GSR: variants seen among roughly 807,000 people sequenced by gnomAD.
The protein encoded by GSR is glutathione-disulfide reductase.
Under a neutral mutation model 56.5 loss-of-function variants are expected in GSR, and 48 were observed. That is an observed-to-expected ratio of 0.85 (90% CI 0.67 to 1.08). GSR has a LOEUF of 1.08. Ranked by LOEUF, GSR falls within the 50% of genes least tolerant of loss-of-function variation. The probability of loss-of-function intolerance (pLI) is 0.00; values close to 1 mark genes in which losing one functional copy is unlikely to be tolerated. For missense variants in GSR, 694 were observed against 703.3 expected, an observed-to-expected ratio of 0.99 and a Z score of 0.15; for synonymous variants, 264 against 270.8, an observed-to-expected ratio of 0.97 and a Z score of 0.25.
intron 1 of GSR, among the ~76,000 whole-genome samples, chr8:30,713,712 T>G (rs1339360280): frequency 6.6e-6 from 1 of 152,196 alleles, no homozygotes; most frequent in African/African-American, 2.4e-5. Context: ...TAATGAAATA[T>G]TTTTCATCTG....
chr8:30,718,357 G>C (rs2978295), intron 1 of GSR, among the ~76,000 whole-genome samples: 102,099 of 151,986 alleles, frequency 0.67, 37,413 homozygotes, highest in East Asian at 0.88. Context: ...CTAGAGGTGG[G>C]TGAGTTTCCA....
intron 9 of GSR, among the ~76,000 whole-genome samples, chr8:30,685,770 G>A (rs1219295508): frequency 6.6e-6 from 1 of 152,010 alleles, no homozygotes; most frequent in African/African-American, 2.4e-5. Flanking sequence ...GAGGTCAGGA[G>A]TTTGAGACCA....
At chr8:30,700,550 C>G (rs1353573899) in intron 5 of GSR, among the ~76,000 whole-genome samples, 1 of 151,698 alleles carries the variant, frequency 6.6e-6, no homozygotes, top group Admixed American at 6.6e-5. Context: ...GTGGTGAAAC[C>G]CTGTCTCTAC....
chr8:30,681,883 G>A, intron 11 of GSR, 47 bp downstream of exon 11: 4 of 1,588,874 alleles, frequency 2.5e-6, no homozygotes, highest in Non-Finnish European at 3.5e-6. Flanking sequence ...GGGGGCAGGG[G>A]AAAGAGGAAG....
In GSR at chr8:30,707,438, G is replaced by A. The variant is rs375366300; in HGVS notation, c.492+634C>T. On this transcript the variant is annotated intron_variant, in intron 4 of 12. Coordinates refer to ENST00000221130, the MANE Select transcript of GSR (RefSeq NM_000637.5). ...CTCATCTCTATAATCCCAACACTTT[G>A]GGAGGCTAAGGCAGGAGTTTAAAGA... is the stretch of plus-strand genomic sequence containing the variant. Among the ~76,000 whole-genome samples the A allele has an allele frequency of 1.2e-4, 19 of 152,264 alleles. No homozygotes were observed. The East Asian group carries it at 3.3e-3, about 26-fold the overall frequency.
intron 1 of GSR, 66 bp downstream of exon 1, chr8:30,727,464 C>T: frequency 7.1e-7 from 1 of 1,413,706 alleles, no homozygotes; most frequent in Non-Finnish European, 9.6e-7. Flanking sequence ...GGAACGAGCA[C>T]AGGCTGTCCC....
chr8:30,683,607 T>G lies in GSR; in HGVS notation c.1153+481A>C, dbSNP rs188946311. Among the ~76,000 whole-genome samples, 69 of 151,954 alleles carry G rather than the reference T, an allele frequency of 4.5e-4. No homozygotes were observed. In the East Asian group the frequency reaches 9.5e-3, roughly 21 times the overall value. Reference sequence around the variant, plus strand: ...AGCACAGGGGTTCAAGACAACATGGTAAAACCCTGTCTCTACAAAAAATGC... The same window carrying G: ...AGCACAGGGGTTCAAGACAACATGGGAAAACCCTGTCTCTACAAAAAATGC... On this transcript the variant is annotated intron_variant, in intron 10 of 12. Coordinates refer to ENST00000221130, the MANE Select transcript of GSR (RefSeq NM_000637.5).
intron 5 of GSR, 33 bp from the exon 6 acceptor site, chr8:30,700,168 G>C: frequency 6.8e-7 from 1 of 1,461,780 alleles, no homozygotes; most frequent in Non-Finnish European, 9.6e-7. Flanking sequence ...GATCACACAA[G>C]ACTGCTCTTT....
At position 30,710,171 on chromosome 8, in the gene GSR, C is replaced by G. The variant is rs1804080661; in HGVS notation, c.334-269G>C. ...TCTCTATTAAAAATACAAAAATTAG[C>G]TGGGTATGGTGGCACACACCTGTAG... On this transcript the variant is annotated intron_variant, in intron 2 of 12. Coordinates refer to ENST00000221130, the MANE Select transcript of GSR (RefSeq NM_000637.5). Among the ~76,000 whole-genome samples, 5 of 151,804 alleles carry G rather than the reference C, an allele frequency of 3.3e-5. 1 individual carries two copies. In the South Asian group the frequency reaches 1.0e-3, roughly 32 times the overall value.
intron 9 of GSR, among the ~76,000 whole-genome samples, chr8:30,688,017 C>G (rs921192563): frequency 3.9e-5 from 6 of 152,046 alleles, no homozygotes; most frequent in African/African-American, 1.4e-4. Context: ...GGAACCAAAC[C>G]CCAAGCTCCC....
chr8:30,710,714 C>CAAAAAAAAAAAAAAAAAAAAAAAAAAGA (rs1804102005), intron 2 of GSR, among the ~76,000 whole-genome samples: 1 of 51,044 alleles, frequency 2.0e-5, no homozygotes, highest in Non-Finnish European at 3.8e-5. Context: ...GACTCTGTCT[C>CAAAAAAAAAAAAAAAAAAAAAAAAAAGA]AAAAAAAAAA....
chr8:30,722,472 T>A (rs1804571847), intron 1 of GSR, among the ~76,000 whole-genome samples: 1 of 152,140 alleles, frequency 6.6e-6, no homozygotes, highest in Non-Finnish European at 1.5e-5. Flanking sequence ...ATGCCTGTAA[T>A]CCCAGCACTT....
At chr8:30,722,314 C>T (rs1804568273) in intron 1 of GSR, among the ~76,000 whole-genome samples, 1 of 152,194 alleles carries the variant, frequency 6.6e-6, no homozygotes, top group Admixed American at 6.5e-5. Context: ...CTATGAAATT[C>T]TAAACCCAGG....
At chr8:30,720,029 G>T (rs1804476108) in intron 1 of GSR, among the ~76,000 whole-genome samples, 1 of 152,108 alleles carries the variant, frequency 6.6e-6, no homozygotes, top group South Asian at 2.1e-4. Context: ...GAGAAACATA[G>T]TAAGGCCTCG....
chr8:30,697,454 AAAC>A (rs1563533782), intron 6 of GSR, among the ~76,000 whole-genome samples: 26 of 142,102 alleles, frequency 1.8e-4, no homozygotes, highest in African/African-American at 6.5e-4. Flanking sequence ...AACAAACAAA[AAAC>A]CCCTAAAAGT....
chr8:30,721,422 G>A (rs905032275), intron 1 of GSR, among the ~76,000 whole-genome samples: 4 of 152,284 alleles, frequency 2.6e-5, no homozygotes, highest in African/African-American at 7.2e-5. Context: ...AGGCCAAGGT[G>A]GGCGGATCAC....
chr8:30,700,750 A>AAAAAAAAAAAAAAAAAAAAAC, intron 5 of GSR, among the ~76,000 whole-genome samples: 1 of 139,888 alleles, frequency 7.1e-6, no homozygotes, highest in Non-Finnish European at 1.5e-5. Context: ...AAAAAAAAAA[A>AAAAAAAAAAAAAAAAAAAAAC]TCGACGTGGC....
chr8:30,726,726 C>T (rs1007423804), intron 1 of GSR, among the ~76,000 whole-genome samples: 1 of 152,170 alleles, frequency 6.6e-6, no homozygotes, highest in African/African-American at 2.4e-5. Flanking sequence ...GGCCACTGCA[C>T]TCTAGCCTAG....
intron 5 of GSR, 150 bp downstream of exon 5, chr8:30,702,943 C>T (rs1803791528): frequency 1.1e-5 from 9 of 805,154 alleles, no homozygotes; most frequent in Non-Finnish European, 2.1e-6. Context: ...ACCACTAAGC[C>T]AACTGGAGTT....
Sources: allele counts gnomAD v4.1 joint callset (sites outside exome capture counted in the v4.1 genomes callset), GRCh38; gene constraint gnomAD v4.1.1; transcripts MANE v1.5; gene names NCBI Gene and HGNC (gene_info 2026-07-23, HGNC 2026-07-21).